Variants in FTO observed in about 807,000 individuals in gnomAD.
The protein encoded by FTO is FTO alpha-ketoglutarate dependent dioxygenase, also known as alpha-ketoglutarate-dependent dioxygenase FTO.
In FTO, 47 loss-of-function variants were observed where a neutral mutation model predicts 63.9. The ratio of observed to expected loss-of-function variants is 0.74; its 90% CI spans 0.58 to 0.94. FTO has a LOEUF of 0.94. Ranked by LOEUF, FTO falls within the 40% of genes least tolerant of loss-of-function variation. FTO has a pLI of 0.00. For synonymous variants in FTO, 207 were observed against 224.4 expected, an observed-to-expected ratio of 0.92 and a Z score of 0.69; for missense variants, 562 against 618.1, an observed-to-expected ratio of 0.91 and a Z score of 0.96.
At chr16:53,955,892 C>T (rs928997977) in intron 8 of FTO, among the ~76,000 whole-genome samples, 1 of 151,964 alleles carries the variant, frequency 6.6e-6, no homozygotes, top group Non-Finnish European at 1.5e-5. Context: ...GATTGTAATC[C>T]CAGGGCTTTG....
chr16:54,036,616 G>GTTAA (rs2084945792), intron 8 of FTO, among the ~76,000 whole-genome samples: 1 of 152,206 alleles, frequency 6.6e-6, no homozygotes, highest in Admixed American at 6.5e-5. Context: ...GTCAGAAATA[G>GTTAA]TTAACAAAGA....
chr16:53,854,761 C>G (rs2079929765), intron 4 of FTO, among the ~76,000 whole-genome samples: 1 of 152,038 alleles, frequency 6.6e-6, no homozygotes, highest in Non-Finnish European at 1.5e-5. Flanking sequence ...ATTGGCTATT[C>G]AGGCTCTTTT....
chr16:54,068,451 G>A (rs1354044760), intron 8 of FTO, among the ~76,000 whole-genome samples: 3 of 152,138 alleles, frequency 2.0e-5, no homozygotes, highest in African/African-American at 7.2e-5. Flanking sequence ...GTTCACCCAG[G>A]GGTGAGAAGG....
intron 3 of FTO, among the ~76,000 whole-genome samples, chr16:53,826,991 T>C (rs960943112): frequency 2.0e-5 from 3 of 152,230 alleles, no homozygotes; most frequent in Non-Finnish European, 2.9e-5. Context: ...TTGTCAAATA[T>C]GGACTTGTTC....
intron 8 of FTO, among the ~76,000 whole-genome samples, chr16:54,097,993 T>C (rs1599363347): frequency 6.6e-6 from 1 of 152,140 alleles, no homozygotes; most frequent in Non-Finnish European, 1.5e-5. Flanking sequence ...ATGCTGAGAC[T>C]GCTCTTGGCC....
chr16:54,098,852 A>G (rs2086571607), intron 8 of FTO, among the ~76,000 whole-genome samples: 1 of 152,238 alleles, frequency 6.6e-6, no homozygotes, highest in South Asian at 2.1e-4. Context: ...GAATTGAACC[A>G]CATAGTCAAA....
intron 1 of FTO, among the ~76,000 whole-genome samples, chr16:53,772,151 T>A (rs2077354591): frequency 6.6e-6 from 1 of 152,088 alleles, no homozygotes; most frequent in African/African-American, 2.4e-5. Flanking sequence ...AAAAACAACT[T>A]CTTTGGCTTT....
intron 8 of FTO, among the ~76,000 whole-genome samples, chr16:53,966,589 T>C (rs1483496963): frequency 6.6e-6 from 1 of 152,218 alleles, no homozygotes; most frequent in Non-Finnish European, 1.5e-5. Context: ...CAAGATCTTT[T>C]GTTGATCTTG....
chr16:54,112,622 G>A lies in FTO; in HGVS notation c.*707G>A, dbSNP rs1262470794. 6 of 152,384 alleles carry A rather than the reference G, an allele frequency of 3.9e-5. No individual in the cohort carries two copies. The highest frequency in any genetic ancestry group is 7.3e-5 in the Non-Finnish European group (5 of 68,188). The allele number at this position is 152,384 out of a possible 1,614,324, so 9.4% of individuals were successfully genotyped here. ...AAGGCAAAGAAACTAAAAGAGAAAT[G>A]ACTCATTGAAGATTGGCCTCTTTCC... On this transcript the variant is annotated 3_prime_UTR_variant, in exon 9 of 9. Coordinates refer to ENST00000471389, the MANE Select transcript of FTO (RefSeq NM_001080432.3).
At chr16:53,782,461 G>A (rs990898848) in intron 1 of FTO, among the ~76,000 whole-genome samples, 2 of 152,114 alleles carry the variant, frequency 1.3e-5, no homozygotes, top group African/African-American at 4.8e-5. Flanking sequence ...TGTAAATGTC[G>A]AGAGCCAATT....
chr16:53,916,921 T>C (rs2081883588), intron 7 of FTO, among the ~76,000 whole-genome samples: 1 of 152,220 alleles, frequency 6.6e-6, no homozygotes, highest in Non-Finnish European at 1.5e-5. Flanking sequence ...AAAATGATGC[T>C]GTTTACTGTG....
chr16:53,937,147 G>A (rs1358992542), intron 8 of FTO: 2 of 398,060 alleles, frequency 5.0e-6, no homozygotes, highest in African/African-American at 4.1e-5. Flanking sequence ...AGCGACTCTA[G>A]AGGCACATCT....
At chr16:53,811,759 G>A (rs2078531683) in intron 2 of FTO, among the ~76,000 whole-genome samples, 1 of 151,888 alleles carries the variant, frequency 6.6e-6, no homozygotes, top group African/African-American at 2.4e-5. Flanking sequence ...TTCATCTTTG[G>A]GGCCTTCTTG....
At chr16:53,806,228 A>C (rs552584400) in intron 1 of FTO, among the ~76,000 whole-genome samples, 1 of 152,374 alleles carries the variant, frequency 6.6e-6, no homozygotes, top group African/African-American at 2.4e-5. Context: ...TTTCTAAAAC[A>C]ATGCCAAAAA....
chr16:54,109,878 C>G (rs987077760), intron 8 of FTO, among the ~76,000 whole-genome samples: 1 of 152,162 alleles, frequency 6.6e-6, no homozygotes, highest in Non-Finnish European at 1.5e-5. Flanking sequence ...TATCATAGCC[C>G]TTTAATCTGC....
chr16:53,873,671 AT>A, intron 4 of FTO, 114 bp from the exon 5 acceptor site: 1 of 788,902 alleles, frequency 1.3e-6, no homozygotes, highest in Non-Finnish European at 2.1e-6. Context: ...TTCCTTGGTT[AT>A]TGTTATTTCT....
chr16:53,741,410 T>C (rs1567946321), intron 1 of FTO, among the ~76,000 whole-genome samples: 1 of 152,348 alleles, frequency 6.6e-6, no homozygotes, highest in Non-Finnish European at 1.5e-5. Context: ...GCATTGTTTG[T>C]TTATTCCATT....
chr16:53,917,417 G>C (rs1203797358), intron 7 of FTO, among the ~76,000 whole-genome samples: 1 of 152,062 alleles, frequency 6.6e-6, no homozygotes, highest in Non-Finnish European at 1.5e-5. Context: ...TTTCTTTTCT[G>C]TAAGCTGGGA....
chr16:54,079,144 T>C (rs2086076166), intron 8 of FTO, among the ~76,000 whole-genome samples: 4 of 152,220 alleles, frequency 2.6e-5, no homozygotes, highest in Admixed American at 2.0e-4. Flanking sequence ...GAATAATTTG[T>C]TATAAAAGAC....
Sources: gnomAD v4.1 joint callset for allele counts (sites outside exome capture counted in the v4.1 genomes callset) on GRCh38, gnomAD v4.1.1 for gene constraint, MANE v1.5 for transcripts, NCBI Gene and HGNC (gene_info 2026-07-23, HGNC 2026-07-21) for gene names.